The following TMEM126B variants were observed in gnomAD, a reference collection of about 807,000 sequenced individuals.
The protein encoded by TMEM126B is complex I assembly factor TMEM126B, mitochondrial.
Under a neutral mutation model 16.5 loss-of-function variants are expected in TMEM126B, and 19 were observed. That is an observed-to-expected ratio of 1.15 (90% CI 0.80 to 1.69). TMEM126B has a LOEUF of 1.69. TMEM126B is among the 40% of genes most tolerant of loss of function. TMEM126B has a pLI of 0.00. For missense variants in TMEM126B, 293 were observed against 278.7 expected, an observed-to-expected ratio of 1.05 and a Z score of -0.37; for synonymous variants, 104 against 93.2, an observed-to-expected ratio of 1.12 and a Z score of -0.67.
intron 1 of TMEM126B, among the ~76,000 whole-genome samples, chr11:85,629,876 TC>T (rs1182600612): frequency 6.6e-6 from 1 of 152,066 alleles, no homozygotes. Context: ...TACCTTTTTT[TC>T]CCCCTGCCCT....
chr11:85,633,246 A>G (rs1215661376), intron 2 of TMEM126B, among the ~76,000 whole-genome samples: 2 of 152,166 alleles, frequency 1.3e-5, no homozygotes, highest in East Asian at 1.9e-4. Context: ...TATTGTGAAT[A>G]GTGCCACAAT....
At chr11:85,631,276 C>T (rs1319781971) in intron 1 of TMEM126B, 2 of 1,271,916 alleles carry the variant, frequency 1.6e-6, no homozygotes. Context: ...AGCCTGACTG[C>T]CTTCTCGGAA....
intron 3 of TMEM126B, chr11:85,634,511 G>T (rs1345715950): frequency 2.4e-6 from 1 of 410,342 alleles, no homozygotes; most frequent in Admixed American, 4.3e-5. Flanking sequence ...GTTCAAGTAC[G>T]CTAATAAGCA....
chr11:85,635,797 T>A lies in TMEM126B; in HGVS notation c.509+19T>A. 1 of 1,487,678 alleles carries A rather than the reference T, an allele frequency of 6.7e-7. No individual in the cohort carries two copies. Among genetic ancestry groups the A allele is most frequent in the Non-Finnish European group, 9.0e-7 (1 of 1,109,756 alleles). 92.2% of individuals were successfully genotyped at this position (1,487,678 alleles called of 1,614,324 possible). A position where few individuals can be genotyped will look rare whatever the true frequency, so the allele number is the denominator to read the frequency against. On this transcript the variant is annotated intron_variant, in intron 4 of 4. Transcript: ENST00000358867. ...CAACCAAGTAAGTTCTTCCTTTTCC[T>A]TCTTTTTTCTTTTCTTTTCTTTTCT...
At chr11:85,635,820 T>TA in intron 4 of TMEM126B, 42 bp downstream of exon 4, 58 of 1,242,834 alleles carry the variant, frequency 4.7e-5, no homozygotes, top group Non-Finnish European at 5.8e-5. Context: ...TCTTTTCTTT[T>TA]CTTTTTTTTT....
intron 1 of TMEM126B, chr11:85,631,061 C>A: frequency 1.9e-6 from 2 of 1,050,448 alleles, no homozygotes; most frequent in Non-Finnish European, 2.6e-6. Flanking sequence ...ACTGCCTGTT[C>A]CCTTCCTGGA....
intron 1 of TMEM126B, chr11:85,631,256 A>G: frequency 1.6e-6 from 2 of 1,284,822 alleles, no homozygotes; most frequent in Non-Finnish European, 2.0e-6. Context: ...CTAGGAGGAC[A>G]ACTACAAAGA....
At chr11:85,629,006 A>C in intron 1 of TMEM126B, 1 of 485,926 alleles carries the variant, frequency 2.1e-6, no homozygotes, top group South Asian at 1.6e-5. Flanking sequence ...TCTTTCGGTT[A>C]TTGATTTAAA....
rs1310277682 is a variant in TMEM126B at position 85,636,031 on chromosome 11, C to CT, written c.510-9dup. ...TCATATCCAGGAGAGGTGATTAACTCTTTTTTCTTTTTAGGTATCATACCG... is the reference window on the plus strand; with the variant it reads ...TCATATCCAGGAGAGGTGATTAACTCTTTTTTTCTTTTTAGGTATCATACCG... On this transcript the variant is annotated splice_polypyrimidine_tract_variant and intron_variant, in intron 4 of 4. Coordinates refer to ENST00000358867, the MANE Select transcript of TMEM126B (RefSeq NM_018480.7). 6.5e-7 allele frequency: 1 copy of CT among 1,550,154 alleles called. No individual in the cohort carries two copies. The highest frequency in any genetic ancestry group is 2.3e-5 in the East Asian group (1 of 44,384).
chr11:85,633,961 C>T (rs1318102625), intron 2 of TMEM126B, 125 bp from the exon 3 acceptor site: 1 of 666,916 alleles, frequency 1.5e-6, no homozygotes, highest in Non-Finnish European at 2.5e-6. Context: ...TTAGAAAATA[C>T]TTTTCACATA....
chr11:85,631,628 A>T (rs2082297864), intron 1 of TMEM126B, 59 bp from the exon 2 acceptor site: 1 of 1,544,844 alleles, frequency 6.5e-7, no homozygotes, highest in Admixed American at 2.1e-5. Flanking sequence ...AGAATTCTGT[A>T]AGGTTTTATG....
chr11:85,629,695 T>C (rs1231482550), intron 1 of TMEM126B, among the ~76,000 whole-genome samples: 1 of 152,174 alleles, frequency 6.6e-6, no homozygotes, highest in Non-Finnish European at 1.5e-5. Flanking sequence ...TGGTTTATGG[T>C]TACTCATGTT....
intron 2 of TMEM126B, among the ~76,000 whole-genome samples, chr11:85,632,589 T>G (rs1234800522): frequency 6.6e-6 from 1 of 151,446 alleles, no homozygotes; most frequent in Non-Finnish European, 1.5e-5. Flanking sequence ...TTATAAATCT[T>G]GGACAAATTA....
Position 85,628,795 on chromosome 11 carries a change from G to T in TMEM126B, c.81+107G>T, listed in dbSNP as rs896880344. On this transcript the variant is annotated intron_variant, in intron 1 of 4. Coordinates refer to ENST00000358867, the MANE Select transcript of TMEM126B (RefSeq NM_018480.7). ...AAAGGAGATTTGAAAAGTTAAAACAGCTCCCAAGTCCATGCAAGGAGCAGT... is the reference window on the plus strand; with the variant it reads ...AAAGGAGATTTGAAAAGTTAAAACATCTCCCAAGTCCATGCAAGGAGCAGT... 4.3e-6 allele frequency: 5 copies of T among 1,151,468 alleles called. No individual in the cohort carries two copies. The African/African-American group carries it at 7.7e-5, about 18-fold the overall frequency. The allele number at this position is 1,151,468 out of a possible 1,614,324, so 71.3% of individuals were successfully genotyped here. A position where few individuals can be genotyped will look rare whatever the true frequency, so the allele number is the denominator to read the frequency against.
At chr11:85,631,613 T>A in intron 1 of TMEM126B, 74 bp from the exon 2 acceptor site, 1 of 1,491,642 alleles carries the variant, frequency 6.7e-7, no homozygotes, top group South Asian at 1.3e-5. Context: ...CAAATCTGAA[T>A]CTGTAGAATT....
At chr11:85,633,557 T>C (rs967650620) in intron 2 of TMEM126B, among the ~76,000 whole-genome samples, 4 of 152,328 alleles carry the variant, frequency 2.6e-5, no homozygotes, top group Admixed American at 2.0e-4. Flanking sequence ...TGGCCAGTGA[T>C]GGTGAGCATT....
At chr11:85,630,037 G>GAA (rs1555206078) in intron 1 of TMEM126B, among the ~76,000 whole-genome samples, 2 of 152,144 alleles carry the variant, frequency 1.3e-5, no homozygotes, top group Non-Finnish European at 2.9e-5. Context: ...TGTGTATAAT[G>GAA]AACTGGCCTT....
At chr11:85,635,440 A>G (rs1436893732) in intron 3 of TMEM126B, among the ~76,000 whole-genome samples, 1 of 152,216 alleles carries the variant, frequency 6.6e-6, no homozygotes, top group Non-Finnish European at 1.5e-5. Context: ...TGCTTCTACA[A>G]CAACCACATA....
chr11:85,630,251 T>A (rs1224122675), intron 1 of TMEM126B, among the ~76,000 whole-genome samples: 1 of 152,220 alleles, frequency 6.6e-6, no homozygotes, highest in Non-Finnish European at 1.5e-5. Flanking sequence ...ATGTGATTCT[T>A]GTGCATGCTG....
Sources: gnomAD v4.1 joint callset for allele counts (sites outside exome capture counted in the v4.1 genomes callset) on GRCh38, gnomAD v4.1.1 for gene constraint, MANE v1.5 for transcripts, NCBI Gene and HGNC (gene_info 2026-07-23, HGNC 2026-07-21) for gene names.